ZFR: variants seen among roughly 807,000 people sequenced by gnomAD.
ZFR encodes zinc finger RNA-binding protein.
A neutral mutation model predicts 130.7 loss-of-function variants in ZFR; 19 were observed. That is an observed-to-expected ratio of 0.15 (90% CI 0.10 to 0.21). ZFR has a LOEUF of 0.21. Ranked by LOEUF, ZFR falls within the 10% of genes least tolerant of loss-of-function variation. The pLI is 1.00. For synonymous variants in ZFR, 466 were observed against 456.9 expected (o/e 1.02, Z -0.25); for missense variants, 872 against 1,321.5 (o/e 0.66, Z 5.27).
chr5:32,425,221 GTTT>G (rs963652622), intron 2 of ZFR, among the ~76,000 whole-genome samples: 1 of 152,220 alleles, frequency 6.6e-6, no homozygotes, highest in Admixed American at 6.5e-5. Flanking sequence ...TCTCTGGGGA[GTTT>G]TTAATTTGTA....
At chr5:32,359,169 G>A (rs912545492) in intron 19 of ZFR, among the ~76,000 whole-genome samples, 14 of 152,116 alleles carry the variant, frequency 9.2e-5, no homozygotes, top group African/African-American at 3.1e-4. Flanking sequence ...GTGTGACAGT[G>A]AAACCGTCTC....
At chr5:32,390,508 C>A in intron 11 of ZFR, 71 bp from the exon 12 acceptor site, 1 of 1,413,926 alleles carries the variant, frequency 7.1e-7, no homozygotes, top group Non-Finnish European at 9.5e-7. Flanking sequence ...TCAATAGTGA[C>A]ATAAAAAGCA....
At chr5:32,428,185 G>C (rs1754119586) in intron 2 of ZFR, among the ~76,000 whole-genome samples, 1 of 152,164 alleles carries the variant, frequency 6.6e-6, no homozygotes, top group African/African-American at 2.4e-5. Context: ...AGGCCGAGGT[G>C]GGCAGATCAC....
chr5:32,413,888 T>C (rs1037153489), intron 5 of ZFR, among the ~76,000 whole-genome samples: 1 of 152,198 alleles, frequency 6.6e-6, no homozygotes, highest in Non-Finnish European at 1.5e-5. Context: ...ATAAAATGTC[T>C]TTCTACCATC....
chr5:32,417,794 TAAAGA>T lies in ZFR; in HGVS notation c.421-7_421-3del. 1 of 1,610,482 alleles carries T rather than the reference TAAAGA, an allele frequency of 6.2e-7. No individual in the cohort carries two copies. Among genetic ancestry groups the T allele is most frequent in the Non-Finnish European group, 8.5e-7 (1 of 1,177,648 alleles). On this transcript the variant is annotated splice_region_variant and splice_polypyrimidine_tract_variant and intron_variant, in intron 3 of 19. Transcript: ENST00000265069. Reference sequence around the variant, plus strand: ...GGACCTTACATATGAGTATGAATCCTAAAGAAAAGGAATGAAAGAAAATCTTGCTA... The same window carrying T: ...GGACCTTACATATGAGTATGAATCCTAAAGGAATGAAAGAAAATCTTGCTA...
rs553889907 is a variant in ZFR, at chr5:32,399,856, C to G, written c.1713+151G>C. 9.4e-5 allele frequency: 69 copies of G among 734,170 alleles called. 1 individual carries two copies. The South Asian group carries it at 2.0e-3, about 21-fold the overall frequency. The allele number at this position is 734,170 out of a possible 1,614,324, so 45.5% of individuals were successfully genotyped here. A position where few individuals can be genotyped will look rare whatever the true frequency, so the allele number is the denominator to read the frequency against. ...CACTTAGGCAGGCTTAAAGGACATG[C>G]TTTCTTATAACAAAGATTCCTTTAA... On this transcript the variant is annotated intron_variant, in intron 9 of 19. Transcript: ENST00000265069.
At chr5:32,376,027 G>C (rs1301386971) in intron 17 of ZFR, among the ~76,000 whole-genome samples, 1 of 151,320 alleles carries the variant, frequency 6.6e-6, no homozygotes, top group East Asian at 2.0e-4. Flanking sequence ...GTTTTTAGTA[G>C]AGATGGGGTT....
intron 2 of ZFR, among the ~76,000 whole-genome samples, chr5:32,437,316 A>C (rs1229846826): frequency 2.0e-5 from 3 of 152,214 alleles, no homozygotes; most frequent in East Asian, 1.9e-4. Context: ...GGGACTATGC[A>C]TATTGTAGAT....
At chr5:32,377,260 A>C (rs1377142344) in intron 17 of ZFR, among the ~76,000 whole-genome samples, 1 of 149,390 alleles carries the variant, frequency 6.7e-6, no homozygotes, top group Non-Finnish European at 1.5e-5. Flanking sequence ...TCGAGACAGA[A>C]TCTTGCTCTG....
In ZFR at chr5:32,411,714, G is replaced by GGGC. The variant is rs1554073350; in HGVS notation, c.784+3252_784+3254dup. Among the ~76,000 whole-genome samples, 45 of 54,606 alleles carry GGGC rather than the reference G, an allele frequency of 8.2e-4. 4 individuals are homozygous for GGGC. Among genetic ancestry groups the GGGC allele is most frequent in the Non-Finnish European group, 1.1e-3 (32 of 29,900 alleles). 35.8% of individuals were successfully genotyped at this position (54,606 alleles called of 152,430 possible). A position where few individuals can be genotyped will look rare whatever the true frequency, so the allele number is the denominator to read the frequency against. On this transcript the variant is annotated intron_variant, in intron 5 of 19. Transcript: ENST00000265069. ...AAAAAAAAAAAAAAAAATTGAGGGG[G>GGGC]GGCGGGGAATAGAAAATATAATACA...
intron 10 of ZFR, among the ~76,000 whole-genome samples, chr5:32,396,702 C>G (rs1348959659): frequency 2.0e-5 from 3 of 152,020 alleles, no homozygotes; most frequent in Middle Eastern, 3.2e-3. Context: ...CGAGATCATG[C>G]CACTGCACTC....
rs1417463496 is a variant in ZFR at position 32,415,135 on chromosome 5, T to C, written c.618A>G (p.Gln206=). The C allele has an allele frequency of 1.9e-6, 3 of 1,614,110 alleles. No homozygotes were observed. Among genetic ancestry groups the C allele is most frequent in the South Asian group, 1.1e-5 (1 of 91,068 alleles). Reference sequence around the variant, plus strand: ...GTTTTATGGCTGTCACTTGTCGAGTTTGCTGGGCTTGAGTATACTGAGTTG... The same window carrying C: ...GTTTTATGGCTGTCACTTGTCGAGTCTGCTGGGCTTGAGTATACTGAGTTG... ...QGATQYTQAQ[Q]TRQVTAIKPA... is the part of the protein sequence containing the mutation. The change falls in exon 5 of 20, where the codon CAA becomes CAG. Residue 206 remains glutamine, a synonymous_variant. Transcript: ENST00000265069.
chr5:32,378,597 T>G (rs550255801), intron 17 of ZFR, among the ~76,000 whole-genome samples: 1 of 152,298 alleles, frequency 6.6e-6, no homozygotes, highest in South Asian at 2.1e-4. Flanking sequence ...TATAATTTTT[T>G]TCTCCTAGAA....
chr5:32,396,424 A>C (rs1178502256), intron 10 of ZFR, among the ~76,000 whole-genome samples: 1 of 151,876 alleles, frequency 6.6e-6, no homozygotes, highest in Admixed American at 6.6e-5. Flanking sequence ...TGGATCTAGT[A>C]CATCAATCTA....
chr5:32,372,193 G>A (rs1752682458), intron 17 of ZFR, among the ~76,000 whole-genome samples: 1 of 152,164 alleles, frequency 6.6e-6, no homozygotes, highest in South Asian at 2.1e-4. Flanking sequence ...TATCTCACAG[G>A]GGAAGGAAAA....
Position 32,415,006 on chromosome 5 carries a change from C to T in ZFR, c.747G>A (p.Gln249=). 6.2e-7 allele frequency: 1 copy of T among 1,613,896 alleles called. No individual in the cohort carries two copies. Among genetic ancestry groups the T allele is most frequent in the Non-Finnish European group, 8.5e-7 (1 of 1,179,938 alleles). The change falls in exon 5 of 20, where the codon CAG becomes CAA. Residue 249 remains glutamine, a synonymous_variant. Coordinates refer to ENST00000265069, the MANE Select transcript of ZFR (RefSeq NM_016107.5). ...CTGCTGTGGTACTGTAAGTAGCACT[C>T]TGAGTATAGGATGGCACCACAGTAG... The part of the protein sequence containing the change: ...AAATVVPSYT[Q]SATYSTTAVT...
At chr5:32,429,840 G>C (rs1004217914) in intron 2 of ZFR, among the ~76,000 whole-genome samples, 1 of 152,056 alleles carries the variant, frequency 6.6e-6, no homozygotes, top group Non-Finnish European at 1.5e-5. Context: ...AGGTCAAAGG[G>C]GGAGAATCAC....
chr5:32,444,504 A>T, intron 1 of ZFR, 118 bp downstream of exon 1: 1 of 1,320,722 alleles, frequency 7.6e-7, no homozygotes, highest in Non-Finnish European at 9.9e-7. Flanking sequence ...ACTCACTCGC[A>T]CGCCCGGGTG....
At chr5:32,416,985 C>T (rs1252633727) in intron 4 of ZFR, among the ~76,000 whole-genome samples, 2 of 150,178 alleles carry the variant, frequency 1.3e-5, no homozygotes, top group African/African-American at 4.9e-5. Flanking sequence ...CATATGTATA[C>T]ATGTGTCATG....
Sources: allele counts gnomAD v4.1 joint callset (sites outside exome capture counted in the v4.1 genomes callset), GRCh38; gene constraint gnomAD v4.1.1; transcripts MANE v1.5; gene names NCBI Gene and HGNC (gene_info 2026-07-23, HGNC 2026-07-21).